Variants in PDE4D observed in about 807,000 individuals in gnomAD.
PDE4D encodes the protein phosphodiesterase 4D, also known as 3',5'-cyclic-AMP phosphodiesterase 4D.
In PDE4D, 24 loss-of-function variants were observed where a neutral mutation model predicts 87.4. The ratio of observed to expected loss-of-function variants is 0.27; its 90% confidence interval spans 0.20 to 0.39. PDE4D has a LOEUF of 0.39. Among genes scored for constraint, PDE4D ranks in the 10% least tolerant of loss-of-function variants. The probability of loss-of-function intolerance (pLI) is 1.00; values close to 1 mark genes in which losing one functional copy is unlikely to be tolerated. For missense variants in PDE4D, 714 were observed against 1,041.0 expected (o/e 0.69, Z 4.32); for synonymous variants, 384 against 383.2 (o/e 1.00, Z -0.02).
chr5:60,024,560 C>T (rs1201699236), intron 2 of PDE4D, among the ~76,000 whole-genome samples: 1 of 152,148 alleles, frequency 6.6e-6, no homozygotes, highest in African/African-American at 2.4e-5. Flanking sequence ...TTCAGAACAA[C>T]CTTGAAGCAT....
intron 2 of PDE4D, among the ~76,000 whole-genome samples, chr5:59,196,389 C>T (rs773819920): frequency 6.6e-6 from 1 of 152,152 alleles, no homozygotes; most frequent in African/African-American, 2.4e-5. Context: ...AGGAAAATGG[C>T]CCAATAAATG....
chr5:59,274,351 G>T (rs1764403719), intron 1 of PDE4D, among the ~76,000 whole-genome samples: 1 of 152,046 alleles, frequency 6.6e-6, no homozygotes, highest in Non-Finnish European at 1.5e-5. Flanking sequence ...AACAGCAAAG[G>T]CTAACCTATC....
chr5:60,320,576 C>T (rs770741194), intron 1 of PDE4D, among the ~76,000 whole-genome samples: 27 of 152,164 alleles, frequency 1.8e-4, no homozygotes, highest in East Asian at 3.9e-4. Flanking sequence ...GCATCGCTCA[C>T]GCTGGGAGCT....
chr5:60,219,058 C>A (rs1744194947), intron 1 of PDE4D, among the ~76,000 whole-genome samples: 2 of 152,086 alleles, frequency 1.3e-5, no homozygotes, highest in African/African-American at 4.8e-5. Flanking sequence ...GCATATACAG[C>A]AGCCTTATTA....
intron 1 of PDE4D, among the ~76,000 whole-genome samples, chr5:60,258,853 T>C (rs1031910227): frequency 1.3e-5 from 2 of 151,948 alleles, no homozygotes; most frequent in Non-Finnish European, 2.9e-5. Context: ...TTCTATAACA[T>C]AGTTTCAAAT....
At chr5:59,515,381 T>C (rs1810977350) in intron 1 of PDE4D, among the ~76,000 whole-genome samples, 1 of 152,208 alleles carries the variant, frequency 6.6e-6, no homozygotes, top group Admixed American at 6.5e-5. Flanking sequence ...AGATCTTCCT[T>C]TTAAAAGGAT....
At chr5:60,174,205 A>G (rs1783717492) in intron 2 of PDE4D, among the ~76,000 whole-genome samples, 1 of 152,142 alleles carries the variant, frequency 6.6e-6, no homozygotes, top group South Asian at 2.1e-4. Flanking sequence ...GAGATATCTT[A>G]TGATCTTTCA....
chr5:59,672,551 A>G (rs1194794190), intron 1 of PDE4D, among the ~76,000 whole-genome samples: 1 of 152,158 alleles, frequency 6.6e-6, no homozygotes, highest in Non-Finnish European at 1.5e-5. Flanking sequence ...CCAACACTCA[A>G]TTAAATTCAT....
chr5:60,425,334 A>G (rs1388544079), intron 1 of PDE4D, among the ~76,000 whole-genome samples: 1 of 152,198 alleles, frequency 6.6e-6, no homozygotes, highest in Admixed American at 6.5e-5. Context: ...ACCAAAACAG[A>G]GATATAGACC....
chr5:60,037,241 T>A (rs1159930498), intron 2 of PDE4D, among the ~76,000 whole-genome samples: 1 of 152,200 alleles, frequency 6.6e-6, no homozygotes, highest in East Asian at 1.9e-4. Flanking sequence ...ATACAATATG[T>A]TAAAATGCTT....
chr5:59,352,569 G>A (rs1780692924), intron 1 of PDE4D, among the ~76,000 whole-genome samples: 1 of 152,148 alleles, frequency 6.6e-6, no homozygotes, highest in African/African-American at 2.4e-5. Flanking sequence ...TAGTAGCAAA[G>A]AGTAGCTATG....
chr5:59,692,940 G>A (rs1440134738), intron 1 of PDE4D, among the ~76,000 whole-genome samples: 1 of 151,946 alleles, frequency 6.6e-6, no homozygotes, highest in Non-Finnish European at 1.5e-5. Flanking sequence ...AGAGTGACAG[G>A]GACAGACAAG....
intron 1 of PDE4D, among the ~76,000 whole-genome samples, chr5:59,265,832 G>C (rs1032848186): frequency 2.0e-5 from 3 of 152,012 alleles, no homozygotes; most frequent in African/African-American, 7.2e-5. Flanking sequence ...ATTAGGTCAA[G>C]TGAACAGCAC....
At chr5:59,829,942 A>T (rs992355707) in intron 1 of PDE4D, among the ~76,000 whole-genome samples, 2 of 152,034 alleles carry the variant, frequency 1.3e-5, no homozygotes, top group Non-Finnish European at 2.9e-5. Context: ...TTTTAAAAAA[A>T]ATCTCCTTTA....
chr5:58,991,239 G>A (rs759089053), intron 8 of PDE4D, among the ~76,000 whole-genome samples: 31 of 152,140 alleles, frequency 2.0e-4, no homozygotes, highest in Non-Finnish European at 3.7e-4. Context: ...CCAAGATCGC[G>A]CCACTGCATT....
intron 1 of PDE4D, among the ~76,000 whole-genome samples, chr5:59,867,195 G>A (rs1747162823): frequency 6.6e-6 from 1 of 152,078 alleles, no homozygotes; most frequent in Admixed American, 6.6e-5. Context: ...AACGAGATGT[G>A]ACCCTTGATC....
chr5:59,188,549 C>A (rs1743446306), intron 3 of PDE4D, among the ~76,000 whole-genome samples: 1 of 151,536 alleles, frequency 6.6e-6, no homozygotes, highest in Non-Finnish European at 1.5e-5. Context: ...AACATCATAG[C>A]CTAAAAAAAA....
intron 1 of PDE4D, among the ~76,000 whole-genome samples, chr5:60,305,301 TA>T (rs937191466): frequency 6.6e-6 from 1 of 151,996 alleles, no homozygotes; most frequent in Non-Finnish European, 1.5e-5. Context: ...AGAATTTTTT[TA>T]AAGGAAGATT....
At chr5:59,004,687 A>C (rs1751233059) in intron 6 of PDE4D, among the ~76,000 whole-genome samples, 1 of 152,254 alleles carries the variant, frequency 6.6e-6, no homozygotes, top group South Asian at 2.1e-4. Flanking sequence ...TCAGAGAATT[A>C]TAAATGCATT....
Sources: gnomAD v4.1 joint callset for allele counts (sites outside exome capture counted in the v4.1 genomes callset) on GRCh38, gnomAD v4.1.1 for gene constraint, MANE v1.5 for transcripts, NCBI Gene and HGNC (gene_info 2026-07-23, HGNC 2026-07-21) for gene names.